Variants in PTPRM observed in about 807,000 individuals in gnomAD.
The protein encoded by PTPRM is receptor-type tyrosine-protein phosphatase mu.
PTPRM carries 47 observed loss-of-function variants against 186.7 expected under a neutral mutation model. The observed-to-expected ratio is 0.25, with a 90% CI of 0.20 to 0.32. The LOEUF (loss-of-function observed/expected upper bound fraction) is 0.32, where lower values mean the gene tolerates loss of function less well. Among genes scored for constraint, PTPRM ranks in the 10% least tolerant of loss-of-function variants. PTPRM has a pLI of 1.00. For missense variants in PTPRM, 1,494 were observed against 1,865.0 expected (o/e 0.80, Z 3.66); for synonymous variants, 668 against 674.9 (o/e 0.99, Z 0.16).
At chr18:8,391,790 C>T (rs914807097) in intron 31 of PTPRM, among the ~76,000 whole-genome samples, 4 of 152,128 alleles carry the variant, frequency 2.6e-5, no homozygotes, top group African/African-American at 7.2e-5. Flanking sequence ...AGCTGATATC[C>T]GAACACGATG....
At chr18:8,024,415 CTGTGAATTGAGAATATAGTGG>C (rs2085432746) in intron 7 of PTPRM, among the ~76,000 whole-genome samples, 1 of 152,156 alleles carries the variant, frequency 6.6e-6, no homozygotes, top group Non-Finnish European at 1.5e-5. Context: ...TCAAAGAGAA[CTGTGAATTGAGAATATAGTGG>C]CAGTTTCATG....
intron 2 of PTPRM, among the ~76,000 whole-genome samples, chr18:7,874,685 T>G (rs886075437): frequency 1.3e-5 from 2 of 152,160 alleles, no homozygotes; most frequent in Non-Finnish European, 2.9e-5. Context: ...AACGAAATAG[T>G]GTACTCAGTA....
intron 1 of PTPRM, among the ~76,000 whole-genome samples, chr18:7,730,380 G>C (rs148495780): frequency 6.5e-4 from 99 of 152,194 alleles, no homozygotes; most frequent in African/African-American, 2.1e-3. Context: ...TTTACTTTTA[G>C]AGTTCCTATG....
At chr18:8,237,606 G>C (rs1461690291) in intron 14 of PTPRM, among the ~76,000 whole-genome samples, 1 of 151,754 alleles carries the variant, frequency 6.6e-6, no homozygotes, top group Non-Finnish European at 1.5e-5. Flanking sequence ...GCGCCACCAT[G>C]CCCGGCTAAT....
intron 4 of PTPRM, among the ~76,000 whole-genome samples, chr18:7,912,881 G>A (rs1451292037): frequency 6.6e-6 from 1 of 152,138 alleles, no homozygotes; most frequent in African/African-American, 2.4e-5. Flanking sequence ...AAAAAATTCA[G>A]CTGGGATATT....
chr18:7,634,427 C>T (rs1433324095), intron 1 of PTPRM, among the ~76,000 whole-genome samples: 1 of 152,188 alleles, frequency 6.6e-6, no homozygotes, highest in African/African-American at 2.4e-5. Context: ...GGAACCCTAG[C>T]TACACCCAGT....
chr18:7,785,488 C>T (rs1431435410), intron 2 of PTPRM, among the ~76,000 whole-genome samples: 1 of 152,024 alleles, frequency 6.6e-6, no homozygotes, highest in African/African-American at 2.4e-5. Flanking sequence ...AAGATGTTAA[C>T]AAATGTTGAG....
intron 7 of PTPRM, among the ~76,000 whole-genome samples, chr18:7,996,483 A>T (rs1184132921): frequency 1.3e-5 from 2 of 152,136 alleles, no homozygotes; most frequent in Non-Finnish European, 2.9e-5. Flanking sequence ...CTGGAACAAG[A>T]CAAGGAAGCC....
chr18:8,147,289 G>A (rs1417000113), intron 14 of PTPRM, among the ~76,000 whole-genome samples: 2 of 152,180 alleles, frequency 1.3e-5, no homozygotes, highest in Non-Finnish European at 2.9e-5. Flanking sequence ...AGCATAGAAT[G>A]TTTTTCCAGT....
chr18:7,622,042 A>G (rs1442929660), intron 1 of PTPRM, among the ~76,000 whole-genome samples: 1 of 152,192 alleles, frequency 6.6e-6, no homozygotes, highest in African/African-American at 2.4e-5. Context: ...AAACCTGCCC[A>G]ACTGTCTTCT....
chr18:8,377,832 A>G (rs1257311239), intron 26 of PTPRM: 1 of 154,124 alleles, frequency 6.5e-6, no homozygotes, highest in East Asian at 1.9e-4. Flanking sequence ...CTGAAATAAG[A>G]ACTTCTAAGT....
chr18:8,238,649 GTGTT>G (rs1261260544), intron 14 of PTPRM, among the ~76,000 whole-genome samples: 22 of 73,694 alleles, frequency 3.0e-4, no homozygotes, highest in East Asian at 8.4e-4. Flanking sequence ...ACTGTTTTGT[GTGTT>G]TTTTTTTTTT....
intron 1 of PTPRM, among the ~76,000 whole-genome samples, chr18:7,700,991 A>AG (rs1568038014): frequency 1.9e-4 from 28 of 147,210 alleles, no homozygotes; most frequent in African/African-American, 2.5e-5. Flanking sequence ...AAAAAAAAAA[A>AG]AAAAAGAAAG....
chr18:7,632,770 C>T (rs1239719494), intron 1 of PTPRM, among the ~76,000 whole-genome samples: 2 of 152,190 alleles, frequency 1.3e-5, no homozygotes, highest in African/African-American at 2.4e-5. Context: ...AATGGTCTCT[C>T]AGCAAAGCTA....
At chr18:8,335,384 C>A (rs1213569700) in intron 22 of PTPRM, among the ~76,000 whole-genome samples, 2 of 152,216 alleles carry the variant, frequency 1.3e-5, no homozygotes, top group Non-Finnish European at 2.9e-5. Context: ...CATCCTCATA[C>A]ATCAGTTACC....
chr18:7,684,310 A>C (rs187061799), intron 1 of PTPRM, among the ~76,000 whole-genome samples: 1 of 152,214 alleles, frequency 6.6e-6, no homozygotes, highest in Admixed American at 6.5e-5. Context: ...AAAATAAATA[A>C]ATAAAATAAA....
At chr18:7,650,444 T>TTCCCCCCC (rs2038670695) in intron 1 of PTPRM, among the ~76,000 whole-genome samples, 1 of 85,606 alleles carries the variant, frequency 1.2e-5, no homozygotes, top group African/African-American at 3.8e-5. Flanking sequence ...AACTTTCAAA[T>TTCCCCCCC]CCCCCCCCCC....
At chr18:7,685,910 A>T (rs2039591364) in intron 1 of PTPRM, among the ~76,000 whole-genome samples, 4 of 152,164 alleles carry the variant, frequency 2.6e-5, no homozygotes, top group Admixed American at 2.6e-4. Context: ...GTTGCAAGCA[A>T]TAAAATTGGA....
chr18:7,657,648 G>T (rs543529237), intron 1 of PTPRM, among the ~76,000 whole-genome samples: 1 of 152,202 alleles, frequency 6.6e-6, no homozygotes, highest in African/African-American at 2.4e-5. Context: ...CATGAAAGGG[G>T]CATACGATTT....
Sources: allele counts gnomAD v4.1 joint callset (sites outside exome capture counted in the v4.1 genomes callset), GRCh38; gene constraint gnomAD v4.1.1; transcripts MANE v1.5; gene names NCBI Gene and HGNC (gene_info 2026-07-23, HGNC 2026-07-21).